The following FAM222B variants were observed in gnomAD, a reference collection of about 807,000 sequenced individuals.
The protein encoded by FAM222B is protein FAM222B.
FAM222B carries 12 observed loss-of-function variants against 38.0 expected under a neutral mutation model. The observed-to-expected ratio is 0.32, with a 90% CI of 0.20 to 0.51. FAM222B has a LOEUF of 0.51. Among genes scored for constraint, FAM222B ranks in the 20% least tolerant of loss-of-function variants. The pLI is 0.97. For synonymous variants in FAM222B, 329 were observed against 317.2 expected (o/e 1.04, Z -0.40); for missense variants, 716 against 754.2 (o/e 0.95, Z 0.59).
chr17:28,827,664 T>A (rs2038491624), intron 1 of FAM222B, among the ~76,000 whole-genome samples: 1 of 152,196 alleles, frequency 6.6e-6, no homozygotes, highest in South Asian at 2.1e-4. Flanking sequence ...GTCTTAGTTA[T>A]GTTTGTTCAG....
Position 28,766,655 on chromosome 17 carries a change from G to C in FAM222B, c.13C>G (p.Leu5Val). MLAC[L>V]PGPGDLSFQL... The stretch of plus-strand genomic sequence containing the variant: ...AAGGACAGGTCACCTGGCCCTGGTA[G>C]ACAGGCTAGCATGGCAGATTGGCAT... Residue 5 changes from leucine to valine, a missense_variant, in exon 2 of 3, where the codon CTA becomes GTA. Physicochemically the swap from Leu to Val is conservative, Grantham distance 32. Transcript: ENST00000581407. 6.2e-7 allele frequency: 1 copy of C among 1,604,312 alleles called. No individual in the cohort carries two copies. The highest frequency in any genetic ancestry group is 8.5e-7 in the Non-Finnish European group (1 of 1,175,246).
intron 1 of FAM222B, among the ~76,000 whole-genome samples, chr17:28,782,362 TAATC>T (rs1271865244): frequency 1.3e-5 from 2 of 151,990 alleles, no homozygotes; most frequent in African/African-American, 2.4e-5. Flanking sequence ...TTTAGGGAAA[TAATC>T]AAAGATGTGA....
At chr17:28,779,695 G>A (rs1278980256) in intron 1 of FAM222B, among the ~76,000 whole-genome samples, 1 of 151,836 alleles carries the variant, frequency 6.6e-6, no homozygotes, top group African/African-American at 2.4e-5. Flanking sequence ...AGCTTGCAGT[G>A]AGTCGAGATT....
intron 2 of FAM222B, among the ~76,000 whole-genome samples, chr17:28,762,360 GC>G (rs1168831484): frequency 2.6e-5 from 4 of 152,150 alleles, no homozygotes; most frequent in Non-Finnish European, 5.9e-5. Flanking sequence ...GGGCGCAGTG[GC>G]TCATGCCTGT....
At chr17:28,798,683 G>A (rs943307986) in intron 1 of FAM222B, among the ~76,000 whole-genome samples, 7 of 147,888 alleles carry the variant, frequency 4.7e-5, no homozygotes. Context: ...CGCCCAAACT[G>A]GAGTGCAGTG....
intron 1 of FAM222B, among the ~76,000 whole-genome samples, chr17:28,825,667 T>A (rs1289081463): frequency 6.6e-6 from 1 of 152,212 alleles, no homozygotes; most frequent in African/African-American, 2.4e-5. Context: ...TCCTAGATCT[T>A]AAATGCCATA....
At chr17:28,827,765 G>A (rs901406335) in intron 1 of FAM222B, among the ~76,000 whole-genome samples, 2 of 152,134 alleles carry the variant, frequency 1.3e-5, no homozygotes, top group African/African-American at 4.8e-5. Flanking sequence ...GAGGAAGGAA[G>A]ATGGAATCAA....
chr17:28,799,375 G>A (rs2037109298), intron 1 of FAM222B, among the ~76,000 whole-genome samples: 1 of 146,324 alleles, frequency 6.8e-6, no homozygotes, highest in African/African-American at 2.6e-5. Context: ...TCAACTCACT[G>A]CAACCTCTGC....
At chr17:28,802,645 G>T in intron 1 of FAM222B, 1 of 177,532 alleles carries the variant, frequency 5.6e-6, no homozygotes, top group Non-Finnish European at 1.3e-5. Context: ...TTGATAGCAG[G>T]CTCAACAAAG....
At chr17:28,805,245 C>A (rs1392582715) in intron 1 of FAM222B, among the ~76,000 whole-genome samples, 5 of 152,024 alleles carry the variant, frequency 3.3e-5, no homozygotes, top group African/African-American at 1.2e-4. Context: ...GTGGTCCTAC[C>A]TACTCAAGAG....
chr17:28,802,001 T>A (rs2037253086), intron 1 of FAM222B, among the ~76,000 whole-genome samples: 1 of 143,882 alleles, frequency 7.0e-6, no homozygotes, highest in African/African-American at 2.6e-5. Context: ...AACACTTTGC[T>A]GAATGCAAAA....
intron 1 of FAM222B, among the ~76,000 whole-genome samples, chr17:28,773,788 CCT>C (rs892958091): frequency 6.6e-6 from 1 of 151,416 alleles, no homozygotes; most frequent in Admixed American, 6.6e-5. Context: ...ACACAGCGAG[CCT>C]CTGTCTCAAA....
chr17:28,823,071 A>C (rs933332345), intron 1 of FAM222B, among the ~76,000 whole-genome samples: 2 of 151,114 alleles, frequency 1.3e-5, no homozygotes, highest in East Asian at 1.9e-4. Flanking sequence ...GAAAAAAAAA[A>C]CATATTCAAC....
intron 1 of FAM222B, among the ~76,000 whole-genome samples, chr17:28,778,039 A>T (rs1316339415): frequency 1.5e-5 from 2 of 136,810 alleles, no homozygotes; most frequent in Non-Finnish European, 1.5e-5. Flanking sequence ...AAGCCTGGGC[A>T]CTACTTCTGC....
intron 1 of FAM222B, among the ~76,000 whole-genome samples, chr17:28,815,897 G>A (rs2038003639): frequency 1.3e-5 from 2 of 151,790 alleles, no homozygotes; most frequent in South Asian, 4.2e-4. Flanking sequence ...AAACCGGGAG[G>A]CGCAGGTTGC....
chr17:28,840,653 A>G lies in FAM222B; in HGVS notation c.-41+2029T>C, dbSNP rs557943630. On this transcript the variant is annotated intron_variant, in intron 1 of 2. Coordinates refer to ENST00000581407, the MANE Select transcript of FAM222B (RefSeq NM_001077498.3). The stretch of plus-strand genomic sequence containing the variant: ...ACTCCTTTGCAAAGGAGAACTTTTT[A>G]TAATTTAAAAATAATAAAATGGGCC... 2.0e-5 allele frequency among the ~76,000 whole-genome samples: 3 copies of G among 152,180 alleles called. No homozygotes were observed. In the South Asian group the frequency reaches 6.2e-4, roughly 32 times the overall value.
intron 1 of FAM222B, among the ~76,000 whole-genome samples, chr17:28,848,673 G>A (rs563487707): frequency 2.0e-5 from 3 of 151,846 alleles, no homozygotes; most frequent in African/African-American, 2.4e-5. Context: ...CAGGAGAATC[G>A]CTTGAACCAG....
chr17:28,836,735 CA>C (rs2038857611), intron 1 of FAM222B, among the ~76,000 whole-genome samples: 1 of 152,134 alleles, frequency 6.6e-6, no homozygotes, highest in Non-Finnish European at 1.5e-5. Flanking sequence ...CCTATTAGGT[CA>C]GGGGTCGATC....
Position 28,758,144 on chromosome 17 carries a change from CCTTT to C in FAM222B, c.*122_*125del, listed in dbSNP as rs1334590412. ...TCCCCACTTAGATCCCACCAAATTC[CCTTT>C]CTTAGACATCTAAGAATGATCACAC... On this transcript the variant is annotated 3_prime_UTR_variant, in exon 3 of 3. Transcript: ENST00000581407. 9.4e-5 allele frequency: 82 copies of C among 870,430 alleles called. No individual in the cohort carries two copies. Among genetic ancestry groups the C allele is most frequent in the African/African-American group, 3.4e-5 (2 of 58,878 alleles). 53.9% of individuals were successfully genotyped at this position (870,430 alleles called of 1,614,324 possible).
Sources: allele counts gnomAD v4.1 joint callset (sites outside exome capture counted in the v4.1 genomes callset), GRCh38; gene constraint gnomAD v4.1.1; transcripts MANE v1.5; gene names NCBI Gene and HGNC (gene_info 2026-07-23, HGNC 2026-07-21).